DGKB: variants seen among roughly 807,000 people sequenced by gnomAD.
DGKB encodes 90 kDa diacylglycerol kinase.
A neutral mutation model predicts 114.3 loss-of-function variants in DGKB; 67 were observed. That is an observed-to-expected ratio of 0.59 (90% CI 0.48 to 0.72). DGKB has a LOEUF of 0.72. Among genes scored for constraint, DGKB ranks in the 30% least tolerant of loss-of-function variants. The pLI is 0.00. For missense variants in DGKB, 907 were observed against 975.2 expected, an observed-to-expected ratio of 0.93 and a Z score of 0.93; for synonymous variants, 398 against 323.1, an observed-to-expected ratio of 1.23 and a Z score of -2.49.
intron 25 of DGKB, among the ~76,000 whole-genome samples, chr7:14,150,610 G>C (rs544210804): frequency 5.3e-5 from 8 of 152,080 alleles, no homozygotes; most frequent in Admixed American, 4.6e-4. Flanking sequence ...AGGCCACTAA[G>C]GCTAACCCAG....
At chr7:14,481,535 T>C (rs780879645) in intron 20 of DGKB, among the ~76,000 whole-genome samples, 22 of 152,010 alleles carry the variant, frequency 1.4e-4, no homozygotes, top group South Asian at 2.1e-4. Context: ...GAGTAAATTG[T>C]TCATTTTTGA....
chr7:14,877,274 G>C (rs1283567385), intron 1 of DGKB, among the ~76,000 whole-genome samples: 1 of 152,104 alleles, frequency 6.6e-6, no homozygotes, highest in Non-Finnish European at 1.5e-5. Flanking sequence ...AAAATTTTAT[G>C]GCCGGGTGTG....
intron 13 of DGKB, among the ~76,000 whole-genome samples, chr7:14,645,033 A>C (rs535617249): frequency 6.6e-6 from 1 of 152,260 alleles, no homozygotes; most frequent in South Asian, 2.1e-4. Context: ...GAGAACTTCT[A>C]TCTCCATCTC....
intron 4 of DGKB, among the ~76,000 whole-genome samples, chr7:14,749,818 TA>T (rs1180589713): frequency 6.6e-6 from 1 of 152,224 alleles, no homozygotes; most frequent in Non-Finnish European, 1.5e-5. Context: ...TTTCAATTAA[TA>T]AGATCAGTTT....
chr7:14,837,869 G>C (rs1346583118), intron 2 of DGKB, among the ~76,000 whole-genome samples: 1 of 152,116 alleles, frequency 6.6e-6, no homozygotes, highest in Non-Finnish European at 1.5e-5. Context: ...AATTATTCAG[G>C]AAAGTCCTTG....
At chr7:14,167,733 C>CCAAA (rs1784817136) in intron 25 of DGKB, among the ~76,000 whole-genome samples, 1 of 151,914 alleles carries the variant, frequency 6.6e-6, no homozygotes. Flanking sequence ...ACTTTGAAAA[C>CCAAA]CAAACAAACA....
At chr7:14,508,549 G>A (rs60452338) in intron 20 of DGKB, among the ~76,000 whole-genome samples, 2,799 of 152,174 alleles carry the variant, frequency 0.018, 75 homozygotes, top group African/African-American at 0.063. Context: ...TGAATATATA[G>A]GTAGGATGAA....
At chr7:14,455,607 T>C (rs1164045081) in intron 21 of DGKB, among the ~76,000 whole-genome samples, 1 of 152,024 alleles carries the variant, frequency 6.6e-6, no homozygotes, top group African/African-American at 2.4e-5. Flanking sequence ...TTCTATGTTT[T>C]CTAACTAAAA....
At chr7:14,424,212 C>T (rs1355223217) in intron 21 of DGKB, among the ~76,000 whole-genome samples, 3 of 152,050 alleles carry the variant, frequency 2.0e-5, no homozygotes, top group South Asian at 2.1e-4. Context: ...TGAACCTCTG[C>T]TCTTTTTCTG....
intron 23 of DGKB, among the ~76,000 whole-genome samples, chr7:14,263,779 C>G (rs1797109193): frequency 5.2e-5 from 1 of 19,298 alleles, no homozygotes; most frequent in African/African-American, 2.1e-4. Flanking sequence ...TTCTTTATCC[C>G]TTAGGCAAAT....
chr7:14,758,148 A>G (rs186673802), intron 2 of DGKB, among the ~76,000 whole-genome samples: 2 of 152,200 alleles, frequency 1.3e-5, no homozygotes, highest in African/African-American at 4.8e-5. Flanking sequence ...ATTTTACCCT[A>G]TATATGCATT....
chr7:14,947,649 G>A (rs1785958239), intron 1 of DGKB, among the ~76,000 whole-genome samples: 1 of 151,682 alleles, frequency 6.6e-6, no homozygotes, highest in African/African-American at 2.4e-5. Flanking sequence ...GTGTCTCTGT[G>A]TGTAGGTGTC....
At chr7:14,806,404 A>T (rs998222272) in intron 2 of DGKB, among the ~76,000 whole-genome samples, 3 of 152,110 alleles carry the variant, frequency 2.0e-5, no homozygotes, top group African/African-American at 7.2e-5. Context: ...TATAAATTAA[A>T]ATTTAGTTAA....
intron 23 of DGKB, among the ~76,000 whole-genome samples, chr7:14,233,429 A>G (rs1792224837): frequency 6.6e-6 from 1 of 151,988 alleles, no homozygotes; most frequent in African/African-American, 2.4e-5. Flanking sequence ...TTGCCTATAA[A>G]TTGAGTCCCA....
rs548933768 is a variant in DGKB at position 14,879,462 on chromosome 7, G to A, written c.-188+23130C>T. On this transcript the variant is annotated intron_variant, in intron 1 of 25. Transcript: ENST00000402815. Reference sequence around the variant, plus strand: ...TTCAGGTTATTTGGCTATTTCATACGTTATCTTGTCAGGCTCTCTTAAAGT... The same window carrying A: ...TTCAGGTTATTTGGCTATTTCATACATTATCTTGTCAGGCTCTCTTAAAGT... Among the ~76,000 whole-genome samples the A allele has an allele frequency of 9.9e-5, 15 of 152,172 alleles. 1 individual carries two copies. The South Asian group carries it at 2.1e-3, about 21-fold the overall frequency.
chr7:14,927,223 A>AG (rs1292246353), intron 1 of DGKB, among the ~76,000 whole-genome samples: 9 of 152,062 alleles, frequency 5.9e-5, no homozygotes, highest in Non-Finnish European at 1.2e-4. Context: ...AGGAGACAGT[A>AG]GTTCATTAGA....
At position 14,161,995 on chromosome 7, in the gene DGKB, C is replaced by T. The variant is rs1042852457; in HGVS notation, c.2305-12757G>A. 3.3e-5 allele frequency among the ~76,000 whole-genome samples: 5 copies of T among 152,062 alleles called. No individual in the cohort carries two copies. In the South Asian group the frequency reaches 1.0e-3, roughly 32 times the overall value. ...ATTAGTATTCTATCCCAGGAAGATC[C>T]CTGTGAAACAGTGGACTAGTTCTGT... On this transcript the variant is annotated intron_variant, in intron 25 of 25. Coordinates refer to ENST00000402815, the MANE Select transcript of DGKB (RefSeq NM_001350709.2).
intron 21 of DGKB, among the ~76,000 whole-genome samples, chr7:14,382,219 T>A (rs1045974982): frequency 6.6e-6 from 1 of 151,952 alleles, no homozygotes; most frequent in Non-Finnish European, 1.5e-5. Flanking sequence ...ACTGGGGATA[T>A]GCCTACCATG....
chr7:14,519,150 T>C (rs974620957), intron 20 of DGKB, among the ~76,000 whole-genome samples: 1 of 152,150 alleles, frequency 6.6e-6, no homozygotes, highest in Non-Finnish European at 1.5e-5. Context: ...TCAATATTTT[T>C]TGGTAAATAT....
Sources: gnomAD v4.1 joint callset for allele counts (sites outside exome capture counted in the v4.1 genomes callset) on GRCh38, gnomAD v4.1.1 for gene constraint, MANE v1.5 for transcripts, NCBI Gene and HGNC (gene_info 2026-07-23, HGNC 2026-07-21) for gene names.